ZNF518B: variants seen among roughly 807,000 people sequenced by gnomAD.
ZNF518B encodes the protein zinc finger protein 518B.
In ZNF518B, 23 loss-of-function variants were observed where a neutral mutation model predicts 56.3. That is an observed-to-expected ratio of 0.41 (90% CI 0.29 to 0.58). The LOEUF is 0.58. ZNF518B is among the 20% of genes least tolerant of loss of function. ZNF518B has a pLI of 0.32. For missense variants in ZNF518B, 1,460 were observed against 1,272.1 expected (o/e 1.15, Z -2.25); for synonymous variants, 529 against 465.9 (o/e 1.14, Z -1.74).
At chr4:10,460,304 CAAAAAAAA>C, upstream of ZNF518B, among the ~76,000 whole-genome samples, 1 of 8,802 alleles carries the variant, frequency 1.1e-4, no homozygotes, top group South Asian at 7.7e-3. Context: ...GACTCTGTCT[CAAAAAAAA>C]AAAAAAAAAA....
chr4:10,445,442 G>A lies in ZNF518B; in HGVS notation c.887C>T (p.Thr296Ile), dbSNP rs1488707075. The A allele has an allele frequency of 6.2e-7, 1 of 1,614,208 alleles. No individual in the cohort carries two copies. Residue 296 changes from threonine (T) to isoleucine (I), a missense_variant, in exon 3 of 3, where the codon ACC becomes ATC. Thr to Ile is a moderately conservative substitution (Grantham distance 89, BLOSUM62 -1). Transcript: ENST00000326756. Reference sequence around the variant, plus strand: ...GTTGACTTCATTTGGCTCAGACAGGGTCATTTTATTTGGAATACAAACTAC... The same window carrying A: ...GTTGACTTCATTTGGCTCAGACAGGATCATTTTATTTGGAATACAAACTAC... The part of the protein sequence containing the change: ...KDVVCIPNKM[T>I]LSEPNEVNLF...
In ZNF518B at chr4:10,441,743, T is replaced by A. The variant is rs1200571410; in HGVS notation, c.*1361A>T. The A allele has an allele frequency of 6.6e-6, 1 of 152,222 alleles. No homozygotes were observed. The highest frequency in any genetic ancestry group is 6.5e-5 in the Admixed American group (1 of 15,284). 9.4% of individuals were successfully genotyped at this position (152,222 alleles called of 1,614,324 possible). A position where few individuals can be genotyped will look rare whatever the true frequency, so the allele number is the denominator to read the frequency against. On this transcript the variant is annotated 3_prime_UTR_variant, in exon 3 of 3. Coordinates refer to ENST00000326756, the MANE Select transcript of ZNF518B (RefSeq NM_053042.3). ...TGCTTGTGCAGGGGGTGGGCCTTTT[T>A]CTAAAGAACACAAATGTGTAGATAA... is the stretch of plus-strand genomic sequence containing the variant.
rs762429368 is a variant in ZNF518B at position 10,445,942 on chromosome 4, G to C, written c.387C>G (p.Asn129Lys). 6.2e-7 allele frequency: 1 copy of C among 1,614,208 alleles called. No individual in the cohort carries two copies. Among genetic ancestry groups the C allele is most frequent in the East Asian group, 2.2e-5 (1 of 44,890 alleles). Residue 129 changes from asparagine (N) to lysine (K), a missense_variant, in exon 3 of 3, where the codon AAC becomes AAG. Asn to Lys is a moderately conservative substitution (Grantham distance 94, BLOSUM62 0). Transcript: ENST00000326756. The part of the protein sequence containing the change: ...SSVNSKFKVR[N>K]FKPGKYYCDK... ...CACAATAGTATTTGCCTGGCTTAAA[G>C]TTCCTTACCTTAAATTTGCTATTGA...
intron 2 of ZNF518B, among the ~76,000 whole-genome samples, chr4:10,449,189 C>T (rs1715198286): frequency 6.6e-6 from 1 of 152,180 alleles, no homozygotes; most frequent in South Asian, 2.1e-4. Flanking sequence ...TCTGGTCCAG[C>T]GTTCTCAACT....
At chr4:10,452,750 AAG>A (rs1349586644) in intron 2 of ZNF518B, 3 of 152,262 alleles carry the variant, frequency 2.0e-5, no homozygotes, top group African/African-American at 7.2e-5. Context: ...ACAGATTTAA[AAG>A]AGGAAAAAAA....
chr4:10,460,538 A>G (rs1452600825), upstream of ZNF518B, among the ~76,000 whole-genome samples: 1 of 152,064 alleles, frequency 6.6e-6, no homozygotes, highest in Non-Finnish European at 1.5e-5. Context: ...AACAGGGGAG[A>G]GGAGAGCATG....
rs1560167512 is a variant in ZNF518B at position 10,443,155 on chromosome 4, A to G, written c.3174T>C (p.His1058=). 8.1e-6 allele frequency: 13 copies of G among 1,614,174 alleles called. No homozygotes were observed. Among genetic ancestry groups the G allele is most frequent in the Non-Finnish European group, 1.0e-5 (12 of 1,180,012 alleles). The change falls in exon 3 of 3, where the codon CAT becomes CAC. Residue 1058 remains histidine (H), a synonymous_variant. Coordinates refer to ENST00000326756, the MANE Select transcript of ZNF518B (RefSeq NM_053042.3). ...CCCAATCTCTAGTTGCTTCTATCAA[A>G]TGCCGTTGGCCATGACTCATCCACT... ...QEEWMSHGQR[H]LIEATRDWDV...
chr4:10,440,865 C>T lies in ZNF518B; in HGVS notation c.*2239G>A, dbSNP rs1017183429. 1.3e-5 allele frequency: 2 copies of T among 151,628 alleles called. No homozygotes were observed. Among genetic ancestry groups the T allele is most frequent in the African/African-American group, 4.8e-5 (2 of 41,240 alleles). The allele number at this position is 151,628 out of a possible 1,614,324, so 9.4% of individuals were successfully genotyped here. ...GGAGATAAAAAAGTGGCAAACAAAA[C>T]AAAACAAAAAAAAACCACAGCCTTT... On this transcript the variant is annotated 3_prime_UTR_variant, in exon 3 of 3. Transcript: ENST00000326756.
At chr4:10,451,105 T>A (rs983307499) in intron 2 of ZNF518B, 1 of 152,204 alleles carries the variant, frequency 6.6e-6, no homozygotes, top group Non-Finnish European at 1.5e-5. Flanking sequence ...TAGCCCTGAA[T>A]GCATTCACTG....
At chr4:10,452,030 T>G (rs1311260122) in intron 2 of ZNF518B, 1 of 152,200 alleles carries the variant, frequency 6.6e-6, no homozygotes, top group Non-Finnish European at 1.5e-5. Flanking sequence ...CAGTGTTAGT[T>G]GACTGTGACT....
chr4:10,456,467 T>C (rs2108998891), intron 1 of ZNF518B, among the ~76,000 whole-genome samples: 1 of 152,134 alleles, frequency 6.6e-6, no homozygotes, highest in East Asian at 1.9e-4. Context: ...TTTGGAACAA[T>C]TCAAACCTTC....
chr4:10,442,003 T>G lies in ZNF518B; in HGVS notation c.*1101A>C, dbSNP rs1577218167. ...CTAGTAATCGCATGAGGGAAAACCT[T>G]AAGGGGTCTCAAAGGCACAGAAAGG... On this transcript the variant is annotated 3_prime_UTR_variant, in exon 3 of 3. Coordinates refer to ENST00000326756, the MANE Select transcript of ZNF518B (RefSeq NM_053042.3). The G allele has an allele frequency of 1.3e-5, 2 of 152,246 alleles. No homozygotes were observed. The highest frequency in any genetic ancestry group is 4.8e-5 in the African/African-American group (2 of 41,530). The allele number at this position is 152,246 out of a possible 1,614,324, so 9.4% of individuals were successfully genotyped here.
Position 10,446,227 on chromosome 4 carries a change from C to T in ZNF518B, c.102G>A (p.Arg34=), listed in dbSNP as rs772782346. ...PKQPDANGAP[R]PNRQEAQTLL... ...GGGTTTGTGCTTCTTGTCTATTTGGCCGAGGTGCTCCATTAGCATCAGGCT... is the reference window on the plus strand; with the variant it reads ...GGGTTTGTGCTTCTTGTCTATTTGGTCGAGGTGCTCCATTAGCATCAGGCT... Residue 34 remains arginine (R), a synonymous_variant, in exon 3 of 3, where the codon CGG becomes CGA. Coordinates refer to ENST00000326756, the MANE Select transcript of ZNF518B (RefSeq NM_053042.3). 6 of 1,614,100 alleles carry T rather than the reference C, an allele frequency of 3.7e-6. No individual in the cohort carries two copies. The South Asian group carries it at 6.6e-5, about 18-fold the overall frequency.
rs116060257 is a variant in ZNF518B at position 10,450,413 on chromosome 4, G to C, written c.-211-3874C>G. On this transcript the variant is annotated intron_variant, in intron 2 of 2. Transcript: ENST00000326756. ...TAGATGGGAGTTCTCTTTGGCCTTT[G>C]TAACCTGTGTCTAGTAACAGAGGGA... Among the ~76,000 whole-genome samples the C allele has an allele frequency of 1.8e-3, 272 of 152,298 alleles. 1 individual carries two copies. The highest frequency in any genetic ancestry group is 6.3e-3 in the African/African-American group (261 of 41,560).
At position 10,440,763 on chromosome 4, in the gene ZNF518B, C is replaced by G. The variant is rs902342181; in HGVS notation, c.*2341G>C. 6.6e-6 allele frequency: 1 copy of G among 152,142 alleles called. No individual in the cohort carries two copies. Among genetic ancestry groups the G allele is most frequent in the Admixed American group, 6.5e-5 (1 of 15,278 alleles). 9.4% of individuals were successfully genotyped at this position (152,142 alleles called of 1,614,324 possible). On this transcript the variant is annotated 3_prime_UTR_variant, in exon 3 of 3. Coordinates refer to ENST00000326756, the MANE Select transcript of ZNF518B (RefSeq NM_053042.3). ...GCGAAGTGAAAATACTTCATGTTGA[C>G]AGTTAACACTCTGACCTGATTCAAG... is the stretch of plus-strand genomic sequence containing the variant.
Position 10,446,346 on chromosome 4 carries a change from A to G in ZNF518B, c.-18T>C. The G allele has an allele frequency of 1.9e-6, 3 of 1,567,644 alleles. No homozygotes were observed. The highest frequency in any genetic ancestry group is 1.1e-5 in the South Asian group (1 of 89,374). On this transcript the variant is annotated 5_prime_UTR_variant, in exon 3 of 3. Transcript: ENST00000326756. ...TCCTTCATCTTATCTGCATTTCTAA[A>G]AAGAGCCAACTAAAATTCAGAAAGT...
At chr4:10,453,406 G>A (rs1715404600) in intron 2 of ZNF518B, 1 of 152,140 alleles carries the variant, frequency 6.6e-6, no homozygotes, top group Non-Finnish European at 1.5e-5. Context: ...CTGTCTACAG[G>A]GAGTATTTTG....
chr4:10,453,946 G>C (rs759240904), intron 2 of ZNF518B: 6 of 152,180 alleles, frequency 3.9e-5, no homozygotes, highest in Non-Finnish European at 5.9e-5. Flanking sequence ...TTACTTGGAA[G>C]CTTCAAAAAT....
At chr4:10,448,764 C>T (rs1427201055) in intron 2 of ZNF518B, among the ~76,000 whole-genome samples, 2 of 152,134 alleles carry the variant, frequency 1.3e-5, no homozygotes, top group African/African-American at 4.8e-5. Flanking sequence ...GCAAACAATA[C>T]ATGGGCAAAG....
Sources: gnomAD v4.1 joint callset for allele counts (sites outside exome capture counted in the v4.1 genomes callset) on GRCh38, gnomAD v4.1.1 for gene constraint, MANE v1.5 for transcripts, NCBI Gene and HGNC (gene_info 2026-07-23, HGNC 2026-07-21) for gene names.